SLC22A23: variants seen among roughly 807,000 people sequenced by gnomAD.
The protein encoded by SLC22A23 is solute carrier family 22 member 23, also known as ion transporter protein.
Under a neutral mutation model 61.0 loss-of-function variants are expected in SLC22A23, and 26 were observed. The observed-to-expected ratio is 0.43, with a 90% CI of 0.31 to 0.59. SLC22A23 has a LOEUF of 0.59. SLC22A23 is among the 20% of genes least tolerant of loss of function. The pLI is 0.11. For synonymous variants in SLC22A23, 430 were observed against 413.9 expected (o/e 1.04, Z -0.47); for missense variants, 796 against 934.7 (o/e 0.85, Z 1.94).
chr6:3,357,952 T>G (rs1393299550), intron 3 of SLC22A23, among the ~76,000 whole-genome samples: 1 of 152,174 alleles, frequency 6.6e-6, no homozygotes, highest in Non-Finnish European at 1.5e-5. Flanking sequence ...GAAGTAGGAC[T>G]GTCCTGCCAT....
At chr6:3,346,400 T>G (rs562541247) in intron 3 of SLC22A23, among the ~76,000 whole-genome samples, 1 of 152,258 alleles carries the variant, frequency 6.6e-6, no homozygotes, top group East Asian at 1.9e-4. Context: ...GGATGAGAAC[T>G]GGGGGCAGCA....
chr6:3,389,877 C>A (rs980864889), intron 3 of SLC22A23, among the ~76,000 whole-genome samples: 1 of 152,242 alleles, frequency 6.6e-6, no homozygotes, highest in Non-Finnish European at 1.5e-5. Flanking sequence ...TAGTGGAGAA[C>A]GGCCTTGCTG....
intron 9 of SLC22A23, among the ~76,000 whole-genome samples, chr6:3,275,769 A>G (rs1758836976): frequency 6.6e-6 from 1 of 152,198 alleles, no homozygotes; most frequent in Non-Finnish European, 1.5e-5. Context: ...TTTTTAGTAG[A>G]GTCGGGGTTT....
chr6:3,324,548 T>A lies in SLC22A23; in HGVS notation c.914-546A>T. ...GCACTCCGAGTTCCAGGCAACCTACTCACACTGTGAGACAGAGGGAGACTG... is the reference window on the plus strand; with the variant it reads ...GCACTCCGAGTTCCAGGCAACCTACACACACTGTGAGACAGAGGGAGACTG... On this transcript the variant is annotated intron_variant, in intron 3 of 9. Coordinates refer to ENST00000406686, the MANE Select transcript of SLC22A23 (RefSeq NM_015482.2). The surrounding 1 kb of genome is among the most constrained non-coding windows in gnomAD (Gnocchi z 4.3). Among the ~76,000 whole-genome samples, 1 of 152,132 alleles carries A rather than the reference T, an allele frequency of 6.6e-6. No individual in the cohort carries two copies. Among genetic ancestry groups the A allele is most frequent in the Non-Finnish European group, 1.5e-5 (1 of 68,020 alleles).
chr6:3,320,423 T>C (rs1484475464), intron 4 of SLC22A23, among the ~76,000 whole-genome samples: 7 of 152,106 alleles, frequency 4.6e-5, no homozygotes. Flanking sequence ...TTCCAGTCCT[T>C]GTTAAGGTAC....
intron 3 of SLC22A23, among the ~76,000 whole-genome samples, chr6:3,345,826 T>C (rs909833438): frequency 6.6e-6 from 1 of 152,226 alleles, no homozygotes; most frequent in Non-Finnish European, 1.5e-5. Flanking sequence ...CAAATAATCA[T>C]GAAGTAGAAC....
At chr6:3,351,387 T>A (rs1764760118) in intron 3 of SLC22A23, among the ~76,000 whole-genome samples, 1 of 152,150 alleles carries the variant, frequency 6.6e-6, no homozygotes, top group African/African-American at 2.4e-5. Flanking sequence ...GGAAAAATAA[T>A]CTGATGTTAT....
intron 3 of SLC22A23, among the ~76,000 whole-genome samples, chr6:3,384,477 A>G (rs998896557): frequency 3.3e-5 from 5 of 152,332 alleles, no homozygotes; most frequent in East Asian, 1.9e-4. Flanking sequence ...AAGAATAAAC[A>G]TGGAGGTAGA....
intron 1 of SLC22A23, among the ~76,000 whole-genome samples, chr6:3,453,775 C>T (rs1348160267): frequency 6.6e-6 from 1 of 152,216 alleles, no homozygotes; most frequent in Non-Finnish European, 1.5e-5. Flanking sequence ...GCTTCTCAAA[C>T]CCTGAGCTTT....
At chr6:3,368,681 C>CAA in intron 3 of SLC22A23, among the ~76,000 whole-genome samples, 1 of 152,074 alleles carries the variant, frequency 6.6e-6, no homozygotes, top group East Asian at 1.9e-4. Context: ...CACACACACA[C>CAA]AAATCCAATA....
intron 6 of SLC22A23, among the ~76,000 whole-genome samples, chr6:3,289,482 G>A (rs1479457469): frequency 6.6e-6 from 1 of 152,258 alleles, no homozygotes; most frequent in Non-Finnish European, 1.5e-5. Flanking sequence ...CTGTGCCCCT[G>A]AGGAGGTGCG....
chr6:3,289,107 C>T (rs908974819), intron 6 of SLC22A23, among the ~76,000 whole-genome samples: 3 of 152,254 alleles, frequency 2.0e-5, no homozygotes, highest in Non-Finnish European at 4.4e-5. Flanking sequence ...TGACCTCTGA[C>T]CCTGAACAAG....
intron 9 of SLC22A23, among the ~76,000 whole-genome samples, chr6:3,274,978 C>A (rs1758764237): frequency 2.7e-5 from 4 of 147,596 alleles, no homozygotes; most frequent in South Asian, 2.1e-4. Context: ...TTTCAGAAAA[C>A]AGCCAATTCT....
At position 3,391,016 on chromosome 6, in the gene SLC22A23, C is replaced by A. The variant is rs188380114; in HGVS notation, c.913+19172G>T. On this transcript the variant is annotated intron_variant, in intron 3 of 9. Coordinates refer to ENST00000406686, the MANE Select transcript of SLC22A23 (RefSeq NM_015482.2). ...AGTGATGAAAAATTTCTCAAACTTA[C>A]CAAAAATGCCCCTGACAAGAAGATA... 2.9e-4 allele frequency among the ~76,000 whole-genome samples: 44 copies of A among 152,286 alleles called. No individual in the cohort carries two copies. In the East Asian group the frequency reaches 8.5e-3, roughly 29 times the overall value.
At chr6:3,365,111 G>A (rs1581757691) in intron 3 of SLC22A23, among the ~76,000 whole-genome samples, 1 of 152,202 alleles carries the variant, frequency 6.6e-6, no homozygotes, top group East Asian at 1.9e-4. Context: ...CTGAGGTCAG[G>A]AGTTGGAGAT....
chr6:3,295,231 G>A (rs999271657), intron 5 of SLC22A23, among the ~76,000 whole-genome samples: 29 of 152,372 alleles, frequency 1.9e-4, no homozygotes, highest in African/African-American at 7.0e-4. Flanking sequence ...AGGGGAAGCG[G>A]GGAGAAGTGC....
intron 3 of SLC22A23, among the ~76,000 whole-genome samples, chr6:3,367,805 A>C (rs1765933619): frequency 6.6e-6 from 1 of 152,134 alleles, no homozygotes; most frequent in African/African-American, 2.4e-5. Flanking sequence ...CCATCAATGC[A>C]CCCAGTGACC....
intron 4 of SLC22A23, among the ~76,000 whole-genome samples, chr6:3,315,885 G>T (rs1398547175): frequency 2.6e-5 from 4 of 151,924 alleles, no homozygotes; most frequent in Non-Finnish European, 5.9e-5. Flanking sequence ...GAAAAGAAAA[G>T]AAAAGAAAAG....
intron 3 of SLC22A23, among the ~76,000 whole-genome samples, chr6:3,334,653 G>A (rs1359854933): frequency 6.6e-6 from 1 of 152,256 alleles, no homozygotes; most frequent in African/African-American, 2.4e-5. Flanking sequence ...GGTTGGCAGA[G>A]TCAAATGCTA....
Sources: allele counts gnomAD v4.1 joint callset (sites outside exome capture counted in the v4.1 genomes callset), GRCh38; gene constraint gnomAD v4.1.1; non-coding constraint Gnocchi (gnomAD v3.1); transcripts MANE v1.5; gene names NCBI Gene and HGNC (gene_info 2026-07-23, HGNC 2026-07-21).